The following DIAPH3 variants were observed in gnomAD, a reference collection of about 807,000 sequenced individuals.
DIAPH3 encodes the protein diaphanous related formin 3.
A neutral mutation model predicts 144.3 loss-of-function variants in DIAPH3; 117 were observed. The ratio of observed to expected loss-of-function variants is 0.81; its 90% CI spans 0.70 to 0.95. DIAPH3 has a LOEUF of 0.95. DIAPH3 is among the 40% of genes least tolerant of loss of function. The pLI is 0.00. For synonymous variants in DIAPH3, 519 were observed against 488.9 expected, an observed-to-expected ratio of 1.06 and a Z score of -0.81; for missense variants, 1,421 against 1,412.7, an observed-to-expected ratio of 1.01 and a Z score of -0.09.
At chr13:59,720,274 T>C (rs997660825) in intron 27 of DIAPH3, among the ~76,000 whole-genome samples, 11 of 152,284 alleles carry the variant, frequency 7.2e-5, no homozygotes, top group East Asian at 5.8e-4. Flanking sequence ...GGGTCTGTCA[T>C]TGACCTAAAT....
intron 25 of DIAPH3, 28 bp from the exon 26 acceptor site, chr13:59,774,851 T>A: frequency 6.3e-7 from 1 of 1,581,910 alleles, no homozygotes; most frequent in East Asian, 2.2e-5. Flanking sequence ...GGGAATTCCA[T>A]CAGCCCTCAG....
At chr13:59,993,144 A>C (rs1465402118) in intron 9 of DIAPH3, among the ~76,000 whole-genome samples, 1 of 151,878 alleles carries the variant, frequency 6.6e-6, no homozygotes, top group Non-Finnish European at 1.5e-5. Flanking sequence ...AAAAATTCAA[A>C]ATTACCCTAT....
At chr13:59,704,813 C>T (rs908027896) in intron 27 of DIAPH3, among the ~76,000 whole-genome samples, 2 of 152,150 alleles carry the variant, frequency 1.3e-5, no homozygotes, top group Non-Finnish European at 2.9e-5. Flanking sequence ...CGCATGACAA[C>T]GAAATCGCCT....
chr13:60,116,797 C>A (rs1167593521), intron 2 of DIAPH3, among the ~76,000 whole-genome samples: 1 of 151,958 alleles, frequency 6.6e-6, no homozygotes, highest in Non-Finnish European at 1.5e-5. Flanking sequence ...TCTTAATTTT[C>A]ACCAAAAACC....
chr13:59,937,891 AGAG>A (rs1340211641), intron 17 of DIAPH3, among the ~76,000 whole-genome samples: 3 of 152,100 alleles, frequency 2.0e-5, no homozygotes, highest in East Asian at 1.9e-4. Flanking sequence ...AGGGTAGAAA[AGAG>A]GAGGAGAAGG....
chr13:59,797,559 GA>G (rs1030211234), intron 25 of DIAPH3, among the ~76,000 whole-genome samples: 1 of 152,080 alleles, frequency 6.6e-6, no homozygotes, highest in Non-Finnish European at 1.5e-5. Flanking sequence ...AGTACCTAAT[GA>G]AAAAACAATA....
intron 24 of DIAPH3, among the ~76,000 whole-genome samples, chr13:59,824,379 C>T (rs185043999): frequency 1.9e-3 from 291 of 152,236 alleles, no homozygotes; most frequent in African/African-American, 6.5e-3. Context: ...ATACACGTAT[C>T]ACTAATAATC....
chr13:59,704,733 T>C (rs546497731), intron 27 of DIAPH3, among the ~76,000 whole-genome samples: 28 of 152,330 alleles, frequency 1.8e-4, no homozygotes, highest in African/African-American at 6.5e-4. Context: ...GAGTAACAGG[T>C]TACACCAACA....
intron 18 of DIAPH3, among the ~76,000 whole-genome samples, chr13:59,918,518 AC>A (rs1566514964): frequency 6.6e-6 from 1 of 152,130 alleles, no homozygotes. Context: ...TTCAGGAACC[AC>A]CCAGGACTGC....
intron 3 of DIAPH3, among the ~76,000 whole-genome samples, chr13:60,103,142 T>G (rs1317473564): frequency 6.6e-6 from 1 of 152,036 alleles, no homozygotes; most frequent in South Asian, 2.1e-4. Flanking sequence ...TTTCACATTT[T>G]ATTAGCAAAA....
chr13:59,674,697 C>A (rs1323606222), intron 27 of DIAPH3, among the ~76,000 whole-genome samples: 1 of 152,166 alleles, frequency 6.6e-6, no homozygotes, highest in Non-Finnish European at 1.5e-5. Flanking sequence ...CCTCCCTAAA[C>A]ATTCCTACAT....
At chr13:59,833,894 C>T (rs1434544456) in intron 23 of DIAPH3, among the ~76,000 whole-genome samples, 2 of 143,582 alleles carry the variant, frequency 1.4e-5, no homozygotes, top group Non-Finnish European at 3.1e-5. Flanking sequence ...TCATCCCTCA[C>T]TTATTTTAAA....
At chr13:59,722,102 G>T (rs149167534) in intron 27 of DIAPH3, among the ~76,000 whole-genome samples, 2 of 152,092 alleles carry the variant, frequency 1.3e-5, no homozygotes, top group South Asian at 4.1e-4. Context: ...CCTGTCAAAG[G>T]TTCTGCATTC....
At chr13:59,910,612 C>T (rs1297084296) in intron 20 of DIAPH3, among the ~76,000 whole-genome samples, 1 of 151,576 alleles carries the variant, frequency 6.6e-6, no homozygotes, top group Non-Finnish European at 1.5e-5. Context: ...ACCTATAATC[C>T]CAGCTACTCA....
chr13:59,711,993 C>T (rs1472183913), intron 27 of DIAPH3, among the ~76,000 whole-genome samples: 1 of 152,144 alleles, frequency 6.6e-6, no homozygotes, highest in Non-Finnish European at 1.5e-5. Context: ...CCAACTCACC[C>T]TATAAGCTCC....
At chr13:59,782,700 T>C (rs1246094206) in intron 25 of DIAPH3, among the ~76,000 whole-genome samples, 2 of 152,170 alleles carry the variant, frequency 1.3e-5, no homozygotes, top group Non-Finnish European at 2.9e-5. Flanking sequence ...TTGAATATTA[T>C]GACAGAGATA....
intron 27 of DIAPH3, among the ~76,000 whole-genome samples, chr13:59,718,125 C>A (rs2035150923): frequency 6.6e-6 from 1 of 152,134 alleles, no homozygotes; most frequent in South Asian, 2.1e-4. Context: ...TCCAGTTTTA[C>A]AGGTGAGGAA....
intron 17 of DIAPH3, among the ~76,000 whole-genome samples, chr13:59,967,851 C>T (rs908976217): frequency 6.6e-6 from 1 of 152,034 alleles, no homozygotes; most frequent in Non-Finnish European, 1.5e-5. Context: ...CTCGGAGTCA[C>T]AACCCTGGGC....
At chr13:59,704,115 T>C (rs1310890976) in intron 27 of DIAPH3, among the ~76,000 whole-genome samples, 4 of 152,234 alleles carry the variant, frequency 2.6e-5, no homozygotes, top group Admixed American at 2.6e-4. Flanking sequence ...ACTTCGTCTC[T>C]TTTGCAACCC....
Sources: allele counts gnomAD v4.1 joint callset (sites outside exome capture counted in the v4.1 genomes callset), GRCh38; gene constraint gnomAD v4.1.1; transcripts MANE v1.5; gene names NCBI Gene and HGNC (gene_info 2026-07-23, HGNC 2026-07-21).